LRP1: variants seen among roughly 807,000 people sequenced by gnomAD.
LRP1 encodes the protein prolow-density lipoprotein receptor-related protein 1.
A neutral mutation model predicts 541.5 loss-of-function variants in LRP1; 51 were observed. The observed-to-expected ratio is 0.09, with a 90% CI of 0.08 to 0.12. The LOEUF is 0.12. Ranked by LOEUF, LRP1 falls within the 10% of genes least tolerant of loss-of-function variation. LRP1 has a pLI of 1.00. For missense variants in LRP1, 3,878 were observed against 6,376.2 expected, an observed-to-expected ratio of 0.61 and a Z score of 13.34; for synonymous variants, 2,219 against 2,470.8, an observed-to-expected ratio of 0.90 and a Z score of 3.02.
In LRP1 at chr12:57,162,453, C is replaced by A. The variant is rs34492744; in HGVS notation, c.2339C>A (p.Thr780Asn). 1.2e-6 allele frequency: 2 copies of A among 1,613,994 alleles called. No individual in the cohort carries two copies. The highest frequency in any genetic ancestry group is 1.7e-6 in the Non-Finnish European group (2 of 1,180,030). ...GTAGGAGGCGCACCCCCCACTGTGA[C>A]CCTTCTGCGCAGTGAGCGGCCCCCC... ...RGVGGAPPTVTLLRSERPPIF... is the reference protein window; with the variant it reads ...RGVGGAPPTVNLLRSERPPIF... Residue 780 changes from threonine (T) to asparagine (N), a missense_variant, in exon 14 of 89, where the codon ACC becomes AAC. Coordinates refer to ENST00000243077, the MANE Select transcript of LRP1 (RefSeq NM_002332.3). This position sits in a 1 kb window ranked among gnomAD's most constrained non-coding sequence, Gnocchi z 5.2.
Position 57,198,669 on chromosome 12 carries a change from T to C in LRP1, c.9675T>C (p.Val3225=), listed in dbSNP as rs2036585777. ...FASLDGSNRH[V]VLSQDIPHIF... Reference sequence around the variant, plus strand: ...GCCTGGATGGCTCCAATCGCCACGTTGGTCAGTGTGCCAGTGAGGCTGTCC... The same window carrying C: ...GCCTGGATGGCTCCAATCGCCACGTCGGTCAGTGTGCCAGTGAGGCTGTCC... Residue 3225 remains valine, a splice_region_variant and synonymous_variant, in exon 60 of 89, where the codon GTT becomes GTC. Transcript: ENST00000243077. The C allele has an allele frequency of 6.2e-7, 1 of 1,605,874 alleles. No homozygotes were observed. The highest frequency in any genetic ancestry group is 8.5e-7 in the Non-Finnish European group (1 of 1,176,600).
chr12:57,145,771 C>T lies in LRP1; in HGVS notation c.841+281C>T, dbSNP rs569035975. 5.9e-5 allele frequency among the ~76,000 whole-genome samples: 9 copies of T among 152,296 alleles called. No homozygotes were observed. The East Asian group carries it at 1.7e-3, about 29-fold the overall frequency. The stretch of plus-strand genomic sequence containing the variant: ...CTCCAGAGACCAGGGACTGTCCCTT[C>T]TCTGAGAGGGGAGTGTTGACTAGAC... On this transcript the variant is annotated intron_variant, in intron 6 of 88. Coordinates refer to ENST00000243077, the MANE Select transcript of LRP1 (RefSeq NM_002332.3).
In LRP1 at chr12:57,180,758, C is replaced by T; in HGVS notation, c.5478C>T (p.Ser1826=). 6.2e-7 allele frequency: 1 copy of T among 1,614,092 alleles called. No individual in the cohort carries two copies. The highest frequency in any genetic ancestry group is 8.5e-7 in the Non-Finnish European group (1 of 1,179,968). Residue 1826 remains serine (S), a synonymous_variant, in exon 33 of 89, where the codon AGC becomes AGT. Coordinates refer to ENST00000243077, the MANE Select transcript of LRP1 (RefSeq NM_002332.3). ...DGSGSVVLRN[S]TTLVMHMKVY... Reference sequence around the variant, plus strand: ...CGGGCTCCGTGGTCCTTCGGAACAGCACCACCCTGGTGATGCACATGAAGG... The same window carrying T: ...CGGGCTCCGTGGTCCTTCGGAACAGTACCACCCTGGTGATGCACATGAAGG...
rs776577505 is a variant in LRP1, at chr12:57,209,735, C to T, written c.12306C>T (p.Ile4102=). ...GCATCGACGTCTTTGAGGATTACAT[C>T]TATGGTGTCACCTACATCAATAATC... ...PFSIDVFEDY[I]YGVTYINNRV... Residue 4102 remains isoleucine, a synonymous_variant, in exon 80 of 89, where the codon ATC becomes ATT. Coordinates refer to ENST00000243077, the MANE Select transcript of LRP1 (RefSeq NM_002332.3). 1 of 1,614,224 alleles carries T rather than the reference C, an allele frequency of 6.2e-7. No homozygotes were observed. The highest frequency in any genetic ancestry group is 8.5e-7 in the Non-Finnish European group (1 of 1,180,026).
Position 57,134,680 on chromosome 12 carries a change from C to T in LRP1, c.68-3779C>T, listed in dbSNP as rs186493282. 4.0e-3 allele frequency among the ~76,000 whole-genome samples: 607 copies of T among 152,132 alleles called. 2 individuals carry two copies. The highest frequency in any genetic ancestry group is 5.3e-3 in the Non-Finnish European group (360 of 67,958). The stretch of plus-strand genomic sequence containing the variant: ...CTGGTACTACAGACGGGAGCCACTG[C>T]GCCCATCTGGTTTCCTTTCTTTCTT... On this transcript the variant is annotated intron_variant, in intron 1 of 88. Coordinates refer to ENST00000243077, the MANE Select transcript of LRP1 (RefSeq NM_002332.3).
chr12:57,139,163 A>G (rs1454932676), intron 2 of LRP1, among the ~76,000 whole-genome samples: 2 of 152,172 alleles, frequency 1.3e-5, no homozygotes, highest in African/African-American at 4.8e-5. Context: ...GGGACCCCAG[A>G]GTCCTGGGTA....
intron 47 of LRP1, 29 bp from the exon 48 acceptor site, chr12:57,193,870 C>T (rs1318219736): frequency 6.2e-7 from 1 of 1,606,640 alleles, no homozygotes; most frequent in East Asian, 2.2e-5. Flanking sequence ...AAACTCTGGC[C>T]TGACGATACG....
chr12:57,209,760 C>T lies in LRP1; in HGVS notation c.12331C>T (p.Arg4111Cys), dbSNP rs773704782. ...CTATGGTGTCACCTACATCAATAAT[C>T]GTGTCTTCAAGATCCATAAGTTTGG... ...YIYGVTYINN[R>C]VFKIHKFGHS... Residue 4111 changes from arginine to cysteine, a missense_variant, in exon 80 of 89, where the codon CGT becomes TGT. Physicochemically the swap from Arg to Cys is radical, Grantham distance 180. Transcript: ENST00000243077. The T allele has an allele frequency of 9.9e-6, 16 of 1,614,074 alleles. No individual in the cohort carries two copies. In the African/African-American group the frequency reaches 1.2e-4, roughly 12 times the overall value.
Position 57,177,075 on chromosome 12 carries a change from C to G in LRP1, c.4026C>G (p.Gly1342=). 1 of 1,614,172 alleles carries G rather than the reference C, an allele frequency of 6.2e-7. No individual in the cohort carries two copies. The highest frequency in any genetic ancestry group is 1.6e-4 in the Middle Eastern group (1 of 6,062). Residue 1342 remains glycine, a synonymous_variant, in exon 25 of 89, where the codon GGC becomes GGG. Transcript: ENST00000243077. The surrounding 1 kb of genome is among the most constrained non-coding windows in gnomAD (Gnocchi z 6.8). ...GTTTCGAGGTGGTGATTCAGTATGG[C>G]CTGGCCACACCCGAGGGCCTGGCTG... ...LTSFEVVIQY[G]LATPEGLAVD... is the part of the protein sequence containing the mutation.
In LRP1 at chr12:57,180,733, C is replaced by G; in HGVS notation, c.5453C>G (p.Ser1818Trp). 1 of 1,614,070 alleles carries G rather than the reference C, an allele frequency of 6.2e-7. No homozygotes were observed. The change falls in exon 33 of 89, where the codon TCG becomes TGG. Residue 1818 changes from serine to tryptophan, a missense_variant. By Grantham distance (177) the Ser-to-Trp change is radical (BLOSUM62 -3). Transcript: ENST00000243077. ...GGCACATGCAGCAAGGCTGACGGCTCGGGCTCCGTGGTCCTTCGGAACAGC... is the reference window on the plus strand; with the variant it reads ...GGCACATGCAGCAAGGCTGACGGCTGGGGCTCCGTGGTCCTTCGGAACAGC... ...KMGTCSKADG[S>W]GSVVLRNSTT...
In LRP1 at chr12:57,175,702, C is replaced by T. The variant is rs1193025212; in HGVS notation, c.3790C>T (p.Leu1264=). The change falls in exon 23 of 89, where the codon CTG becomes TTG. Residue 1264 remains leucine, a synonymous_variant. Transcript: ENST00000243077. The part of the protein sequence containing the change: ...LEPDGESCRS[L]DPFKPFIIFS... ...ACCTGACGGCGAGAGCTGCCGCAGC[C>T]TGGGTGAGACAACAGTGAGGTGTGG... 1.3e-6 allele frequency: 2 copies of T among 1,566,044 alleles called. No homozygotes were observed. The highest frequency in any genetic ancestry group is 1.3e-5 in the African/African-American group (1 of 74,160).
rs193143407 is a variant in LRP1 at position 57,185,016 on chromosome 12, C to T, written c.6338+26C>T. Reference sequence around the variant, plus strand: ...GTGAGGGCTTCTGTCCTGGCCTCCTCAGCTGATCTCTTCCTTCCCTCCTGC... The same window carrying T: ...GTGAGGGCTTCTGTCCTGGCCTCCTTAGCTGATCTCTTCCTTCCCTCCTGC... On this transcript the variant is annotated intron_variant, in intron 39 of 88. Coordinates refer to ENST00000243077, the MANE Select transcript of LRP1 (RefSeq NM_002332.3). This position sits in a 1 kb window ranked among gnomAD's most constrained non-coding sequence, Gnocchi z 4.9. The T allele has an allele frequency of 1.1e-3, 1,831 of 1,613,858 alleles. 32 individuals carry two copies. In the Admixed American group the frequency reaches 0.024, roughly 21 times the overall value.
At chr12:57,193,771 G>A in intron 47 of LRP1, 86 bp downstream of exon 47, 1 of 1,609,730 alleles carries the variant, frequency 6.2e-7, no homozygotes, top group Non-Finnish European at 8.5e-7. Context: ...TGGGCCCCGT[G>A]GTGTCTGGTT....
At chr12:57,199,710 C>T (rs2036607984) in intron 61 of LRP1, among the ~76,000 whole-genome samples, 167 bp from the exon 62 acceptor site, 1 of 152,176 alleles carries the variant, frequency 6.6e-6, no homozygotes, top group Non-Finnish European at 1.5e-5. Flanking sequence ...GGCCTTCAGG[C>T]CTGGCCTGAT....
intron 70 of LRP1, 66 bp downstream of exon 70, chr12:57,203,587 C>T: frequency 1.8e-5 from 25 of 1,424,626 alleles, no homozygotes; most frequent in Non-Finnish European, 2.3e-5. Context: ...ATGGCCCAGT[C>T]ATTCACTCAT....
intron 3 of LRP1, among the ~76,000 whole-genome samples, chr12:57,143,396 C>G (rs1244470176): frequency 6.6e-6 from 1 of 152,202 alleles, no homozygotes; most frequent in Non-Finnish European, 1.5e-5. Flanking sequence ...TGCCAGAACC[C>G]CTCTCCATGG....
intron 79 of LRP1, 137 bp downstream of exon 79, chr12:57,209,336 C>T (rs1000139614): frequency 2.7e-6 from 2 of 730,644 alleles, no homozygotes; most frequent in African/African-American, 1.8e-5. Context: ...CCTTCCAGGC[C>T]TCTCCAGCTG....
chr12:57,199,188 T>TA, intron 60 of LRP1, 24 bp from the exon 61 acceptor site: 2 of 1,606,976 alleles, frequency 1.2e-6, no homozygotes, highest in South Asian at 2.2e-5. Context: ...TGACTGGCAC[T>TA]GTGCCTGCCC....
At chr12:57,170,416 T>C (rs549680244) in intron 20 of LRP1, among the ~76,000 whole-genome samples, 2 of 152,060 alleles carry the variant, frequency 1.3e-5, no homozygotes, top group Admixed American at 6.6e-5. Context: ...TGGTGGCTCA[T>C]GCCTATAATC....
Sources: allele counts gnomAD v4.1 joint callset (sites outside exome capture counted in the v4.1 genomes callset), GRCh38; gene constraint gnomAD v4.1.1; non-coding constraint Gnocchi (gnomAD v3.1); transcripts MANE v1.5; gene names NCBI Gene and HGNC (gene_info 2026-07-23, HGNC 2026-07-21).